PCDH11X: variants seen among roughly 807,000 people sequenced by gnomAD.
PCDH11X encodes protocadherin 11 X-linked.
A neutral mutation model predicts 53.3 loss-of-function variants in PCDH11X; 18 were observed. The ratio of observed to expected loss-of-function variants is 0.34; its 90% CI spans 0.23 to 0.50. The LOEUF is 0.50. Ranked by LOEUF, PCDH11X falls within the 20% of genes least tolerant of loss-of-function variation. PCDH11X has a pLI of 0.98. For missense variants in PCDH11X, 570 were observed against 1,032.4 expected (o/e 0.55, Z 6.14); for synonymous variants, 279 against 393.3 (o/e 0.71, Z 3.44).
intron 6 of PCDH11X, among the ~76,000 whole-genome samples, chrX:92,184,216 G>A (rs1345225214): frequency 9.0e-6 from 1 of 111,629 alleles, no homozygotes; most frequent in East Asian, 2.8e-4. Context: ...ATATGTTTAA[G>A]CTTTGGTGAA....
intron 8 of PCDH11X, among the ~76,000 whole-genome samples, chrX:92,303,830 G>A (rs972779254): frequency 9.1e-6 from 1 of 109,927 alleles, no homozygotes; most frequent in African/African-American, 3.3e-5. Flanking sequence ...GTCCAAGACA[G>A]TATGTTGTAA....
intron 6 of PCDH11X, among the ~76,000 whole-genome samples, chrX:92,155,279 T>G (rs2065510032): frequency 1.8e-5 from 1 of 54,376 alleles, no homozygotes; most frequent in African/African-American, 7.3e-5. Flanking sequence ...CTTTATCTAT[T>G]ATTTTCTCAT....
intron 5 of PCDH11X, among the ~76,000 whole-genome samples, chrX:91,855,983 C>T (rs193039108): frequency 1.3e-4 from 14 of 105,401 alleles, no homozygotes; most frequent in African/African-American, 4.1e-4. Flanking sequence ...ATTTGGATAA[C>T]CTTTATATCT....
intron 9 of PCDH11X, among the ~76,000 whole-genome samples, chrX:92,397,797 T>G (rs2071280765): frequency 9.0e-6 from 1 of 110,976 alleles, no homozygotes; most frequent in African/African-American, 3.3e-5. Flanking sequence ...TGTGTTTGTT[T>G]TCTTCGTTCA....
At chrX:91,892,012 G>GGTGT (rs367707799) in intron 6 of PCDH11X, among the ~76,000 whole-genome samples, 2,137 of 83,036 alleles carry the variant, frequency 0.026, 43 homozygotes, top group Non-Finnish European at 0.033. Flanking sequence ...TAATTAGAGG[G>GGTGT]GTGTGTGTGT....
chrX:92,574,855 C>A (rs1439717471), intron 10 of PCDH11X, among the ~76,000 whole-genome samples: 2 of 110,767 alleles, frequency 1.8e-5, no homozygotes, highest in African/African-American at 6.6e-5. Context: ...ACAAAAAATA[C>A]TGTGTGTTTG....
chrX:92,430,451 G>A (rs1226989552), intron 9 of PCDH11X, among the ~76,000 whole-genome samples: 1 of 90,996 alleles, frequency 1.1e-5, no homozygotes, highest in Non-Finnish European at 2.4e-5. Context: ...CACTAATTAT[G>A]TCCAAGGGTG....
intron 8 of PCDH11X, among the ~76,000 whole-genome samples, chrX:92,360,266 A>G (rs2070313624): frequency 9.0e-6 from 1 of 111,047 alleles, no homozygotes; most frequent in Non-Finnish European, 1.9e-5. Context: ...ATACTTTGTA[A>G]AAGTGAAATA....
intron 6 of PCDH11X, among the ~76,000 whole-genome samples, chrX:92,116,919 A>T (rs1200766127): frequency 4.6e-5 from 5 of 109,247 alleles, no homozygotes. Flanking sequence ...AAAAAAATCA[A>T]TGTTGGGTTA....
In PCDH11X at chrX:92,201,404, C is replaced by T. The variant is rs1317145912; in HGVS notation, c.3063C>T (p.Thr1021=). 8.3e-7 allele frequency: 1 copy of T among 1,203,684 alleles called. No individual in the cohort carries two copies. The change falls in exon 7 of 11, where the codon ACC becomes ACT. Residue 1021 remains threonine (T), a synonymous_variant. Coordinates refer to ENST00000682573, the MANE Select transcript of PCDH11X (RefSeq NM_032968.5). ...PPMKEVVRSC[T]PMKESTTMEI... ...TGAAGGAGGTTGTGCGATCTTGCAC[C>T]CCCATGAAAGAGTCTACAACTATGG... is the stretch of plus-strand genomic sequence containing the variant.
At chrX:92,394,670 T>C (rs1330304128) in intron 9 of PCDH11X, among the ~76,000 whole-genome samples, 1 of 112,031 alleles carries the variant, frequency 8.9e-6, no homozygotes, top group Admixed American at 9.5e-5. Context: ...ATTTGCCATT[T>C]GTTATTTTTT....
At chrX:91,825,010 C>T (rs1021539182) in intron 4 of PCDH11X, among the ~76,000 whole-genome samples, 4 of 110,819 alleles carry the variant, frequency 3.6e-5, no homozygotes, top group African/African-American at 1.3e-4. Context: ...CAGGGACCCA[C>T]TTGAGGAGGC....
chrX:92,557,334 G>A (rs906244371), intron 10 of PCDH11X, among the ~76,000 whole-genome samples: 2 of 110,499 alleles, frequency 1.8e-5, no homozygotes, highest in Non-Finnish European at 3.8e-5. Flanking sequence ...AAACGTTTAT[G>A]CTCTGCTTCC....
intron 6 of PCDH11X, among the ~76,000 whole-genome samples, chrX:91,895,301 T>C (rs1024190330): frequency 9.0e-6 from 1 of 111,341 alleles, no homozygotes; most frequent in Admixed American, 9.6e-5. Context: ...TTTTTCACAT[T>C]GAGAGAAGTA....
At chrX:92,013,413 T>C (rs1339169152) in intron 6 of PCDH11X, among the ~76,000 whole-genome samples, 2 of 111,566 alleles carry the variant, frequency 1.8e-5, no homozygotes, top group African/African-American at 6.5e-5. Flanking sequence ...ACATTCCATG[T>C]TCATGGGTAG....
At chrX:92,273,091 G>T (rs973665623) in intron 8 of PCDH11X, among the ~76,000 whole-genome samples, 1 of 111,417 alleles carries the variant, frequency 9.0e-6, no homozygotes, top group Admixed American at 9.6e-5. Context: ...TCTTTCATGC[G>T]CATCCATGTG....
At chrX:92,541,634 C>T (rs1458209791) in intron 10 of PCDH11X, among the ~76,000 whole-genome samples, 1 of 108,573 alleles carries the variant, frequency 9.2e-6, no homozygotes, top group Non-Finnish European at 1.9e-5. Flanking sequence ...TTATACCACC[C>T]TCTTTAGATT....
chrX:92,377,483 C>A (rs1045690208), intron 8 of PCDH11X, among the ~76,000 whole-genome samples: 14 of 111,106 alleles, frequency 1.3e-4, no homozygotes, highest in Non-Finnish European at 2.5e-4. Flanking sequence ...CTGTACCAAG[C>A]AATAATCAAT....
chrX:92,147,831 CTT>C (rs1556066080), intron 6 of PCDH11X, among the ~76,000 whole-genome samples: 2 of 91,198 alleles, frequency 2.2e-5, no homozygotes, highest in African/African-American at 9.9e-5. Context: ...TTCTTTCTTT[CTT>C]TCTTTCTTTC....
Sources: gnomAD v4.1 joint callset for allele counts (sites outside exome capture counted in the v4.1 genomes callset) on GRCh38, gnomAD v4.1.1 for gene constraint, MANE v1.5 for transcripts, NCBI Gene and HGNC (gene_info 2026-07-23, HGNC 2026-07-21) for gene names.